The following AZI2 variants were observed in gnomAD, a reference collection of about 807,000 sequenced individuals.
AZI2 encodes the protein 5-azacytidine-induced protein 2.
AZI2 carries 22 observed loss-of-function variants against 45.8 expected under a neutral mutation model. The observed-to-expected ratio is 0.48, with a 90% confidence interval of 0.34 to 0.69. The LOEUF is 0.69. Ranked by LOEUF, AZI2 falls within the 30% of genes least tolerant of loss-of-function variation. The pLI is 0.01. For synonymous variants in AZI2, 137 were observed against 156.7 expected (o/e 0.87, Z 0.94); for missense variants, 417 against 441.5 (o/e 0.94, Z 0.50).
rs1216734057 is a variant in AZI2 at position 28,325,142 on chromosome 3, A to C, written c.767-688T>G. 21 of 148,914 alleles carry C rather than the reference A, an allele frequency of 1.4e-4. No individual in the cohort carries two copies. The East Asian group carries it at 3.7e-3, about 26-fold the overall frequency. 9.2% of individuals were successfully genotyped at this position (148,914 alleles called of 1,614,324 possible). ...AGGTAAAGTAAAAAAAAAAAAAAAA[A>C]CAGCCAAAAAAAAAAAGTTTTGTAC... On this transcript the variant is annotated intron_variant, in intron 7 of 7. Transcript: ENST00000479665.
At chr3:28,340,086 CT>C (rs770254371) in intron 2 of AZI2, among the ~76,000 whole-genome samples, 3,145 of 144,334 alleles carry the variant, frequency 0.022, 38 homozygotes, top group Middle Eastern at 0.033. Flanking sequence ...GTTGGTATAT[CT>C]TTTTTTTTTT....
chr3:28,327,645 T>G, intron 6 of AZI2, among the ~76,000 whole-genome samples: 1 of 151,050 alleles, frequency 6.6e-6, no homozygotes, highest in Admixed American at 6.6e-5. Context: ...GTATTTTACC[T>G]CAATTATCTA....
chr3:28,333,971 T>C (rs1245078031), intron 5 of AZI2, among the ~76,000 whole-genome samples: 3 of 151,414 alleles, frequency 2.0e-5, no homozygotes, highest in Non-Finnish European at 4.4e-5. Flanking sequence ...TAGTATCTCT[T>C]TTACTTCTTT....
In AZI2 at chr3:28,321,715, C is replaced by A. The variant is rs1295756172; in HGVS notation, c.*2327G>T. The A allele has an allele frequency of 6.6e-6, 1 of 151,212 alleles. No individual in the cohort carries two copies. Among genetic ancestry groups the A allele is most frequent in the East Asian group, 1.9e-4 (1 of 5,150 alleles). The allele number at this position is 151,212 out of a possible 1,614,324, so 9.4% of individuals were successfully genotyped here. On this transcript the variant is annotated 3_prime_UTR_variant, in exon 8 of 8. Transcript: ENST00000479665. ...TCAGCTCTTCAAGTCTGAATTTTCC[C>A]ATTTATTTTGGTTTTCTAATGTTTC... is the stretch of plus-strand genomic sequence containing the variant.
In AZI2 at chr3:28,321,920, G is replaced by T. The variant is rs1703200033; in HGVS notation, c.*2122C>A. On this transcript the variant is annotated 3_prime_UTR_variant, in exon 8 of 8. Coordinates refer to ENST00000479665, the MANE Select transcript of AZI2 (RefSeq NM_022461.5). ...TGTACTGAATTGAACCTTATAAAAA[G>T]AAATCTAAAGATTCCAAAGGAAGCT... 1 of 151,286 alleles carries T rather than the reference G, an allele frequency of 6.6e-6. No individual in the cohort carries two copies. The highest frequency in any genetic ancestry group is 1.5e-5 in the Non-Finnish European group (1 of 67,478). The allele number at this position is 151,286 out of a possible 1,614,324, so 9.4% of individuals were successfully genotyped here. A position where few individuals can be genotyped will look rare whatever the true frequency, so the allele number is the denominator to read the frequency against.
intron 1 of AZI2, chr3:28,348,169 C>G (rs1704338353): frequency 6.6e-6 from 1 of 152,128 alleles, no homozygotes; most frequent in Non-Finnish European, 1.5e-5. Flanking sequence ...ACCTGTTAGC[C>G]CTCGATCAAG....
chr3:28,348,200 C>T (rs930118067), intron 1 of AZI2: 1 of 152,172 alleles, frequency 6.6e-6, no homozygotes, highest in African/African-American at 2.4e-5. Flanking sequence ...CGATATTCAC[C>T]ACTCAGATGC....
At position 28,337,597 on chromosome 3, in the gene AZI2, T is replaced by A. The variant is rs540544788; in HGVS notation, c.439+340A>T. Among the ~76,000 whole-genome samples, 4 of 152,292 alleles carry A rather than the reference T, an allele frequency of 2.6e-5. No individual in the cohort carries two copies. The East Asian group carries it at 7.7e-4, about 29-fold the overall frequency. ...GCAGTGTGTTTAACTGTGGGCAAGA[T>A]GTTCAGTAAGAAAGAGAAGCCAGGA... is the stretch of plus-strand genomic sequence containing the variant. On this transcript the variant is annotated intron_variant, in intron 4 of 7. Coordinates refer to ENST00000479665, the MANE Select transcript of AZI2 (RefSeq NM_022461.5).
At chr3:28,328,089 C>T (rs1455850815) in intron 6 of AZI2, among the ~76,000 whole-genome samples, 1 of 150,552 alleles carries the variant, frequency 6.6e-6, no homozygotes, top group Admixed American at 6.7e-5. Flanking sequence ...TGTCAATAAA[C>T]TTTACACTGC....
In AZI2 at chr3:28,324,295, A is replaced by G; in HGVS notation, c.926T>C (p.Val309Ala). 1.2e-6 allele frequency: 2 copies of G among 1,607,730 alleles called. No homozygotes were observed. Among genetic ancestry groups the G allele is most frequent in the Non-Finnish European group, 1.7e-6 (2 of 1,175,942 alleles). The change falls in exon 8 of 8, where the codon GTT becomes GCT. Residue 309 changes from valine (V) to alanine (A), a missense_variant. Transcript: ENST00000479665. ...TSSPLPGDVK[V>A]LSEKAILQSW... ...TTGGAGGATTGCTTTCTCTGATAAA[A>G]CCTTTACATCTCCTGGTAAAGGGGA... is the stretch of plus-strand genomic sequence containing the variant.
At chr3:28,344,224 T>G (rs955911155) in intron 1 of AZI2, among the ~76,000 whole-genome samples, 2 of 151,986 alleles carry the variant, frequency 1.3e-5, no homozygotes, top group Non-Finnish European at 2.9e-5. Context: ...TGTTATAAAA[T>G]GGAAAATTAA....
At chr3:28,328,430 C>T (rs1010909381) in intron 6 of AZI2, among the ~76,000 whole-genome samples, 4 of 151,054 alleles carry the variant, frequency 2.6e-5, no homozygotes, top group East Asian at 1.9e-4. Context: ...ATGAATAATA[C>T]AGCTTAAAAA....
chr3:28,321,445 G>C lies in AZI2; in HGVS notation c.*2597C>G, dbSNP rs1276327831. The C allele has an allele frequency of 6.6e-6, 1 of 151,356 alleles. No homozygotes were observed. The highest frequency in any genetic ancestry group is 1.5e-5 in the Non-Finnish European group (1 of 67,542). 9.4% of individuals were successfully genotyped at this position (151,356 alleles called of 1,614,324 possible). ...TTAGATTACACAGTATAAATAATATGTTCATCCTCCTTATGTCAAAGACTA... is the reference window on the plus strand; with the variant it reads ...TTAGATTACACAGTATAAATAATATCTTCATCCTCCTTATGTCAAAGACTA... On this transcript the variant is annotated 3_prime_UTR_variant, in exon 8 of 8. Transcript: ENST00000479665.
At chr3:28,328,017 T>C (rs945472370) in intron 6 of AZI2, among the ~76,000 whole-genome samples, 2 of 149,936 alleles carry the variant, frequency 1.3e-5, no homozygotes, top group Admixed American at 1.3e-4. Context: ...TTACAGAATA[T>C]AGTTTATATT....
chr3:28,327,907 A>G (rs1428555202), intron 6 of AZI2, among the ~76,000 whole-genome samples: 3 of 150,692 alleles, frequency 2.0e-5, no homozygotes, highest in African/African-American at 4.8e-5. Flanking sequence ...TAGTACAGAA[A>G]TCAAACTAGA....
In AZI2 at chr3:28,327,845, C is replaced by T. The variant is rs1242944805; in HGVS notation, c.648-895G>A. Among the ~76,000 whole-genome samples the T allele has an allele frequency of 2.0e-5, 3 of 150,278 alleles. No homozygotes were observed. The Admixed American group carries it at 2.0e-4, about 10-fold the overall frequency. Reference sequence around the variant, plus strand: ...CAAAATATTAAATGTAAGACTAAATCTTATAACATTAAAAAAAAATTATTA... The same window carrying T: ...CAAAATATTAAATGTAAGACTAAATTTTATAACATTAAAAAAAAATTATTA... On this transcript the variant is annotated intron_variant, in intron 6 of 7. Coordinates refer to ENST00000479665, the MANE Select transcript of AZI2 (RefSeq NM_022461.5).
At chr3:28,332,237 G>A (rs1703607181) in intron 6 of AZI2, 132 bp downstream of exon 6, 2 of 723,470 alleles carry the variant, frequency 2.8e-6, no homozygotes, top group South Asian at 2.0e-5. Context: ...TGTGATCAGA[G>A]GTTACATCAG....
In AZI2 at chr3:28,327,025, T is replaced by C. The variant is rs968250255; in HGVS notation, c.648-75A>G. On this transcript the variant is annotated intron_variant, in intron 6 of 7. Coordinates refer to ENST00000479665, the MANE Select transcript of AZI2 (RefSeq NM_022461.5). Reference sequence around the variant, plus strand: ...ACAAAAGGGAATAACTTTAGAAATATGCAGATCAAGTTTCTGCTCCAATTA... The same window carrying C: ...ACAAAAGGGAATAACTTTAGAAATACGCAGATCAAGTTTCTGCTCCAATTA... 1.5e-5 allele frequency: 15 copies of C among 1,031,314 alleles called. 1 individual carries two copies. In the African/African-American group the frequency reaches 1.6e-4, roughly 11 times the overall value. The allele number at this position is 1,031,314 out of a possible 1,614,324, so 63.9% of individuals were successfully genotyped here.
rs1703276727 is a variant in AZI2 at position 28,323,905 on chromosome 3, A to G, written c.*137T>C. Reference sequence around the variant, plus strand: ...TATGTTGGTTTTTGTACTATTGTACAGTGTGTTCAAATATAGATACTGAAG... The same window carrying G: ...TATGTTGGTTTTTGTACTATTGTACGGTGTGTTCAAATATAGATACTGAAG... On this transcript the variant is annotated 3_prime_UTR_variant, in exon 8 of 8. Coordinates refer to ENST00000479665, the MANE Select transcript of AZI2 (RefSeq NM_022461.5). 1 of 949,570 alleles carries G rather than the reference A, an allele frequency of 1.1e-6. No individual in the cohort carries two copies. Among genetic ancestry groups the G allele is most frequent in the South Asian group, 1.7e-5 (1 of 58,232 alleles). 58.8% of individuals were successfully genotyped at this position (949,570 alleles called of 1,614,324 possible). A position where few individuals can be genotyped will look rare whatever the true frequency, so the allele number is the denominator to read the frequency against.
Sources: gnomAD v4.1 joint callset for allele counts (sites outside exome capture counted in the v4.1 genomes callset) on GRCh38, gnomAD v4.1.1 for gene constraint, MANE v1.5 for transcripts, NCBI Gene and HGNC (gene_info 2026-07-23, HGNC 2026-07-21) for gene names.